EIF4EBP1: variants seen among roughly 807,000 people sequenced by gnomAD.
EIF4EBP1 encodes the protein eukaryotic translation initiation factor 4E binding protein 1, also known as eukaryotic translation initiation factor 4E-binding protein 1.
In EIF4EBP1, 5 loss-of-function variants were observed where a neutral mutation model predicts 9.2. The observed-to-expected ratio is 0.54, with a 90% CI of 0.28 to 1.14. The LOEUF (loss-of-function observed/expected upper bound fraction) is 1.14. Ranked by LOEUF, EIF4EBP1 falls within the 50% of genes most tolerant of loss-of-function variation. The pLI is 0.09. For missense variants in EIF4EBP1, 139 were observed against 169.6 expected (o/e 0.82, Z 1.00); for synonymous variants, 62 against 67.0 (o/e 0.93, Z 0.36).
chr8:38,031,543 T>C (rs1809220757), intron 1 of EIF4EBP1, among the ~76,000 whole-genome samples: 1 of 152,126 alleles, frequency 6.6e-6, no homozygotes, highest in South Asian at 2.1e-4. Flanking sequence ...CTCGTGGCTC[T>C]CTCCTCCCCT....
intron 1 of EIF4EBP1, among the ~76,000 whole-genome samples, chr8:38,047,738 G>C (rs992065599): frequency 2.0e-5 from 3 of 152,174 alleles, no homozygotes; most frequent in Non-Finnish European, 2.9e-5. Flanking sequence ...ACCCACCTTG[G>C]CCTCCCAAAG....
chr8:38,050,742 T>C (rs1042490414), intron 1 of EIF4EBP1, among the ~76,000 whole-genome samples: 3 of 151,664 alleles, frequency 2.0e-5, no homozygotes, highest in Admixed American at 6.6e-5. Flanking sequence ...CCTTCCAGAG[T>C]GTTGGGATTA....
At chr8:38,058,537 A>G (rs964543051) in intron 2 of EIF4EBP1, among the ~76,000 whole-genome samples, 1 of 152,186 alleles carries the variant, frequency 6.6e-6, no homozygotes, top group Non-Finnish European at 1.5e-5. Context: ...ATTTCAAACC[A>G]TAGCATTCCA....
At chr8:38,051,748 C>T (rs905620598) in intron 1 of EIF4EBP1, among the ~76,000 whole-genome samples, 1 of 152,098 alleles carries the variant, frequency 6.6e-6, no homozygotes, top group African/African-American at 2.4e-5. Context: ...AGGTGTGTGC[C>T]ACCATGCCCG....
intron 1 of EIF4EBP1, among the ~76,000 whole-genome samples, chr8:38,037,313 TTTTA>T (rs1369465591): frequency 6.6e-6 from 1 of 151,928 alleles, no homozygotes; most frequent in Non-Finnish European, 1.5e-5. Flanking sequence ...AGTTTTCTTA[TTTTA>T]TTTATTTATT....
intron 2 of EIF4EBP1, among the ~76,000 whole-genome samples, chr8:38,058,138 ACAATAGTTGCCTGTGT>A (rs1809622271): frequency 6.6e-6 from 1 of 152,188 alleles, no homozygotes; most frequent in African/African-American, 2.4e-5. Context: ...TACAAGACAG[ACAATAGTTGCCTGTGT>A]CTTAGTCTGT....
At chr8:38,050,844 G>A (rs1809510830) in intron 1 of EIF4EBP1, among the ~76,000 whole-genome samples, 2 of 152,132 alleles carry the variant, frequency 1.3e-5, no homozygotes, top group South Asian at 4.1e-4. Context: ...GTGTGGCCCA[G>A]AGACTGATGG....
chr8:38,054,222 A>G (rs1563235885), intron 1 of EIF4EBP1, among the ~76,000 whole-genome samples: 1 of 152,118 alleles, frequency 6.6e-6, no homozygotes, highest in Non-Finnish European at 1.5e-5. Context: ...GGCTGAGGCC[A>G]GTGGATCACT....
At chr8:38,030,748 C>A in intron 1 of EIF4EBP1, 30 bp downstream of exon 1, 2 of 1,374,102 alleles carry the variant, frequency 1.5e-6, no homozygotes, top group African/African-American at 3.0e-5. Flanking sequence ...CGCCGCTTGC[C>A]GGCTCCTGGG....
intron 1 of EIF4EBP1, among the ~76,000 whole-genome samples, chr8:38,053,130 G>A (rs1300836070): frequency 6.6e-6 from 1 of 151,884 alleles, no homozygotes; most frequent in Non-Finnish European, 1.5e-5. Flanking sequence ...CAATTCTCCT[G>A]CTTCAACCTC....
intron 1 of EIF4EBP1, among the ~76,000 whole-genome samples, chr8:38,055,845 A>C (rs1419166404): frequency 1.3e-5 from 2 of 152,064 alleles, no homozygotes; most frequent in African/African-American, 4.8e-5. Flanking sequence ...AGATACAAAA[A>C]ATTAGCTGGG....
At chr8:38,035,043 C>T (rs1809280117) in intron 1 of EIF4EBP1, among the ~76,000 whole-genome samples, 1 of 152,012 alleles carries the variant, frequency 6.6e-6, no homozygotes, top group East Asian at 1.9e-4. Context: ...TTACTTGAGG[C>T]CAGGAGTTCA....
Position 38,060,327 on chromosome 8 carries a change from A to G in EIF4EBP1, c.*392A>G, listed in dbSNP as rs981378722. 3.5e-6 allele frequency: 1 copy of G among 284,768 alleles called. No individual in the cohort carries two copies. The highest frequency in any genetic ancestry group is 6.7e-6 in the Non-Finnish European group (1 of 149,276). The allele number at this position is 284,768 out of a possible 1,614,324, so 17.6% of individuals were successfully genotyped here. A position where few individuals can be genotyped will look rare whatever the true frequency, so the allele number is the denominator to read the frequency against. On this transcript the variant is annotated 3_prime_UTR_variant, in exon 3 of 3. Transcript: ENST00000338825. Reference sequence around the variant, plus strand: ...AAAGCTCCCTCCCCCTCCTTCCCCAAGAGAGGAAATAAAAGCCACCTTCGC... The same window carrying G: ...AAAGCTCCCTCCCCCTCCTTCCCCAGGAGAGGAAATAAAAGCCACCTTCGC...
intron 1 of EIF4EBP1, among the ~76,000 whole-genome samples, chr8:38,052,822 G>T (rs1809542736): frequency 6.6e-6 from 1 of 151,890 alleles, no homozygotes; most frequent in African/African-American, 2.4e-5. Context: ...CAAAGTGCTG[G>T]GATTGCAGGT....
Position 38,059,911 on chromosome 8 carries a change from G to T in EIF4EBP1, c.333G>T (p.Glu111Asp). The T allele has an allele frequency of 1.2e-6, 2 of 1,613,926 alleles. No individual in the cohort carries two copies. Among genetic ancestry groups the T allele is most frequent in the Non-Finnish European group, 1.7e-6 (2 of 1,179,962 alleles). Residue 111 changes from glutamate to aspartate, a missense_variant, in exon 3 of 3, where the codon GAG becomes GAT. Physicochemically the swap from Glu to Asp is conservative, Grantham distance 45. Transcript: ENST00000338825. ...SPEDKRAGGE[E>D]SQFEMDI ...TGTCCCCTCTCTCCCCAGGTGAAGA[G>T]TCACAGTTTGAGATGGACATTTAAA... is the stretch of plus-strand genomic sequence containing the variant.
At chr8:38,039,930 A>G (rs576287684) in intron 1 of EIF4EBP1, among the ~76,000 whole-genome samples, 79 of 152,070 alleles carry the variant, frequency 5.2e-4, no homozygotes, top group Non-Finnish European at 9.4e-4. Flanking sequence ...TGGAGTGTCT[A>G]TGGGCTGAAG....
chr8:38,060,044 G>A lies in EIF4EBP1; in HGVS notation c.*109G>A, dbSNP rs529896805. The A allele has an allele frequency of 1.4e-5, 16 of 1,170,300 alleles. No individual in the cohort carries two copies. Among genetic ancestry groups the A allele is most frequent in the South Asian group, 6.1e-5 (5 of 81,710 alleles). The allele number at this position is 1,170,300 out of a possible 1,614,324, so 72.5% of individuals were successfully genotyped here. A position where few individuals can be genotyped will look rare whatever the true frequency, so the allele number is the denominator to read the frequency against. On this transcript the variant is annotated 3_prime_UTR_variant, in exon 3 of 3. Coordinates refer to ENST00000338825, the MANE Select transcript of EIF4EBP1 (RefSeq NM_004095.4). ...GTGATCATACTGGGCAGGCGTTGGC[G>A]TGGGGTCGGACACCCCAGCCCTTTC...
chr8:38,048,285 A>T (rs1563234571), intron 1 of EIF4EBP1, among the ~76,000 whole-genome samples: 2 of 152,026 alleles, frequency 1.3e-5, no homozygotes, highest in East Asian at 1.9e-4. Context: ...AAAAAAAAAA[A>T]TTTAAACTAA....
At chr8:38,032,217 T>A (rs1231834230) in intron 1 of EIF4EBP1, among the ~76,000 whole-genome samples, 2 of 142,094 alleles carry the variant, frequency 1.4e-5, no homozygotes, top group Non-Finnish European at 2.9e-5. Context: ...GGATACTGTT[T>A]ATAGGCACTT....
Sources: allele counts gnomAD v4.1 joint callset (sites outside exome capture counted in the v4.1 genomes callset), GRCh38; gene constraint gnomAD v4.1.1; transcripts MANE v1.5; gene names NCBI Gene and HGNC (gene_info 2026-07-23, HGNC 2026-07-21).